CDK7: variants seen among roughly 807,000 people sequenced by gnomAD.
The protein encoded by CDK7 is cyclin-dependent kinase 7.
Under a neutral mutation model 49.1 loss-of-function variants are expected in CDK7, and 25 were observed. That is an observed-to-expected ratio of 0.51 (90% confidence interval 0.37 to 0.71). The LOEUF is 0.71. Among genes scored for constraint, CDK7 ranks in the 30% least tolerant of loss-of-function variants. CDK7 has a pLI of 0.00. For synonymous variants in CDK7, 107 were observed against 140.0 expected (o/e 0.76, Z 1.67); for missense variants, 316 against 411.7 (o/e 0.77, Z 2.01).
At chr5:69,264,030 G>A (rs1423667142) in intron 8 of CDK7, among the ~76,000 whole-genome samples, 1 of 152,184 alleles carries the variant, frequency 6.6e-6, no homozygotes, top group Non-Finnish European at 1.5e-5. Flanking sequence ...AGGTAGAAAT[G>A]TTGCCCATAT....
chr5:69,268,913 T>TG (rs1751343841), intron 8 of CDK7, among the ~76,000 whole-genome samples: 2 of 148,348 alleles, frequency 1.3e-5, no homozygotes, highest in Admixed American at 1.3e-4. Context: ...GAGGCTGAAG[T>TG]GGGTAGATCA....
At chr5:69,262,178 A>G (rs764698671) in intron 7 of CDK7, 27 bp from the exon 8 acceptor site, 43 of 1,612,646 alleles carry the variant, frequency 2.7e-5, no homozygotes, top group Admixed American at 3.3e-5. Flanking sequence ...TCATGCTAAA[A>G]TGATACTAAT....
Position 69,268,278 on chromosome 5 carries a change from T to C in CDK7, c.628-929T>C, listed in dbSNP as rs536014969. Among the ~76,000 whole-genome samples, 24 of 152,300 alleles carry C rather than the reference T, an allele frequency of 1.6e-4. No individual in the cohort carries two copies. In the South Asian group the frequency reaches 5.0e-3, roughly 32 times the overall value. On this transcript the variant is annotated intron_variant, in intron 8 of 11. Transcript: ENST00000256443. ...ACACCGAATTGTAAATGCTTGTTTA[T>C]GTGTATCAGCACTGCTTACCACCTC...
rs941535359 is a variant in CDK7 at position 69,238,654 on chromosome 5, T to A, written c.126+3201T>A. Among the ~76,000 whole-genome samples, 9 of 140,162 alleles carry A rather than the reference T, an allele frequency of 6.4e-5. No individual in the cohort carries two copies. The East Asian group carries it at 1.2e-3, about 18-fold the overall frequency. The allele number at this position is 140,162 out of a possible 152,430, so 92.0% of individuals were successfully genotyped here. On this transcript the variant is annotated intron_variant, in intron 2 of 11. Transcript: ENST00000256443. ...CTTCTGCAACTTGTTATTCTTTTTT[T>A]TTTATTTTATTTTTTTTTTTGAGAC...
intron 2 of CDK7, chr5:69,250,740 A>G (rs1456747632): frequency 4.4e-6 from 2 of 456,544 alleles, no homozygotes; most frequent in South Asian, 3.1e-5. Flanking sequence ...CATTTTCTCA[A>G]ACAGGAGTCT....
At chr5:69,271,132 G>T (rs890092714) in intron 9 of CDK7, among the ~76,000 whole-genome samples, 2 of 152,162 alleles carry the variant, frequency 1.3e-5, no homozygotes, top group Non-Finnish European at 2.9e-5. Flanking sequence ...CCAGCATTTG[G>T]TGTTGTCACT....
chr5:69,261,488 C>G (rs1400187944), intron 7 of CDK7, among the ~76,000 whole-genome samples: 11 of 120,262 alleles, frequency 9.1e-5, no homozygotes, highest in East Asian at 2.6e-4. Context: ...TGAAAAGGTT[C>G]TCTGTGTGTG....
intron 8 of CDK7, among the ~76,000 whole-genome samples, chr5:69,268,331 C>T (rs1201426347): frequency 1.3e-5 from 2 of 152,102 alleles, no homozygotes; most frequent in Non-Finnish European, 2.9e-5. Flanking sequence ...GGGAATGTCT[C>T]GTTTTCCTCT....
chr5:69,269,262 CTT>C lies in CDK7; in HGVS notation c.685_686del (p.Leu229GlyfsTer5). On this transcript the variant is annotated frameshift_variant, in exon 9 of 12. Coordinates refer to ENST00000256443, the MANE Select transcript of CDK7 (RefSeq NM_001799.4). LOFTEE classifies it high-confidence loss of function. ...GATCAGCTAACAAGAATATTTGAAA[CTT>C]TGGGCACACCAACTGAGGAACAGTG... is the stretch of plus-strand genomic sequence containing the variant. The C allele has an allele frequency of 6.2e-7, 1 of 1,611,544 alleles. No homozygotes were observed. Among genetic ancestry groups the C allele is most frequent in the Non-Finnish European group, 8.5e-7 (1 of 1,179,144 alleles).
At chr5:69,271,513 C>CTTTTTTTTTT (rs56035306) in intron 9 of CDK7, among the ~76,000 whole-genome samples, 2 of 134,322 alleles carry the variant, frequency 1.5e-5, no homozygotes, top group African/African-American at 2.8e-5. Flanking sequence ...ATTTTTTTTT[C>CTTTTTTTTTT]TTTTTTTTTT....
chr5:69,259,750 C>A, intron 6 of CDK7, 68 bp from the exon 7 acceptor site: 1 of 922,978 alleles, frequency 1.1e-6, no homozygotes, highest in Non-Finnish European at 1.7e-6. Context: ...GTTATGCCAA[C>A]TAAATGTAGC....
intron 8 of CDK7, among the ~76,000 whole-genome samples, chr5:69,263,484 C>T (rs2150218661): frequency 6.6e-6 from 1 of 152,294 alleles, no homozygotes; most frequent in African/African-American, 2.4e-5. Context: ...ATCACTTGTA[C>T]TCAGGAGTTT....
chr5:69,250,719 C>A (rs12657418), intron 2 of CDK7: 62,139 of 456,424 alleles, frequency 0.14, 6,430 homozygotes, highest in African/African-American at 0.37. Context: ...ATCTCCTTTA[C>A]TCTTCCCTCT....
At chr5:69,237,953 A>G (rs952420328) in intron 2 of CDK7, among the ~76,000 whole-genome samples, 3 of 152,140 alleles carry the variant, frequency 2.0e-5, no homozygotes, top group Admixed American at 1.3e-4. Flanking sequence ...CGTTGTCTAT[A>G]CTTTCTACTA....
At chr5:69,235,369 A>G in intron 1 of CDK7, 25 bp from the exon 2 acceptor site, 1 of 1,521,804 alleles carries the variant, frequency 6.6e-7, no homozygotes, top group Non-Finnish European at 9.1e-7. Context: ...CCATAAACTT[A>G]TGTTATTTCT....
intron 2 of CDK7, among the ~76,000 whole-genome samples, chr5:69,242,873 C>T (rs1165982513): frequency 6.6e-6 from 1 of 152,160 alleles, no homozygotes; most frequent in Non-Finnish European, 1.5e-5. Context: ...TGGGGAAACC[C>T]TGTCTCTACT....
At position 69,259,716 on chromosome 5, in the gene CDK7, T is replaced by C; in HGVS notation, c.409-102T>C. On this transcript the variant is annotated intron_variant, in intron 6 of 11. Coordinates refer to ENST00000256443, the MANE Select transcript of CDK7 (RefSeq NM_001799.4). ...AATTGATTGTTTAGATTTCAGGTGT[T>C]ACCTTGTTTTTGCTAAGTTTAAAGT... 12 of 715,314 alleles carry C rather than the reference T, an allele frequency of 1.7e-5. No homozygotes were observed. In the South Asian group the frequency reaches 2.2e-4, roughly 13 times the overall value. The allele number at this position is 715,314 out of a possible 1,614,324, so 44.3% of individuals were successfully genotyped here. A position where few individuals can be genotyped will look rare whatever the true frequency, so the allele number is the denominator to read the frequency against.
At chr5:69,246,663 A>G (rs1749774678) in intron 2 of CDK7, among the ~76,000 whole-genome samples, 1 of 143,486 alleles carries the variant, frequency 7.0e-6, no homozygotes, top group South Asian at 2.2e-4. Flanking sequence ...CTGCTTTTCT[A>G]GTTCTTTAAG....
chr5:69,270,528 C>G (rs1016328933), intron 9 of CDK7, among the ~76,000 whole-genome samples: 29 of 152,176 alleles, frequency 1.9e-4, no homozygotes, highest in African/African-American at 7.0e-4. Context: ...CTTATAAAAT[C>G]AGTACAGTAT....
Sources: gnomAD v4.1 joint callset for allele counts (sites outside exome capture counted in the v4.1 genomes callset) on GRCh38, gnomAD v4.1.1 for gene constraint, MANE v1.5 for transcripts, NCBI Gene and HGNC (gene_info 2026-07-23, HGNC 2026-07-21) for gene names.